The following CCNH variants were observed in gnomAD, a reference collection of about 807,000 sequenced individuals.
CCNH encodes cyclin H, also known as cyclin-H.
CCNH carries 31 observed loss-of-function variants against 41.9 expected under a neutral mutation model. That is an observed-to-expected ratio of 0.74 (90% CI 0.56 to 1.00). The LOEUF is 1.00. Ranked by LOEUF, CCNH falls within the 50% of genes least tolerant of loss-of-function variation. The pLI is 0.00. For missense variants in CCNH, 362 were observed against 388.4 expected (o/e 0.93, Z 0.57); for synonymous variants, 138 against 136.1 (o/e 1.01, Z -0.10).
intron 9 of CCNH, among the ~76,000 whole-genome samples, chr5:87,344,416 A>T (rs530523915): frequency 6.6e-6 from 1 of 152,238 alleles, no homozygotes; most frequent in Non-Finnish European, 1.5e-5. Context: ...CTAAAAAATG[A>T]TCTGTTATCT....
chr5:87,392,445 T>A (rs564091203), downstream of CCNH: 94 of 430,476 alleles, frequency 2.2e-4, 1 homozygote, highest in South Asian at 1.5e-3. Flanking sequence ...TTCATTCCAT[T>A]CTCTCCCTTC....
At chr5:87,313,491 T>C (rs547208774), downstream of CCNH, among the ~76,000 whole-genome samples, 1 of 152,332 alleles carries the variant, frequency 6.6e-6, no homozygotes, top group East Asian at 1.9e-4. Context: ...GACTTTTGAA[T>C]TTCCACATAG....
At chr5:87,407,122 T>C (rs934211569) in intron 4 of CCNH, among the ~76,000 whole-genome samples, 3 of 152,180 alleles carry the variant, frequency 2.0e-5, no homozygotes, top group Non-Finnish European at 4.4e-5. Flanking sequence ...CAGGGAAGTC[T>C]CTGATTGGAA....
intron 6 of CCNH, among the ~76,000 whole-genome samples, chr5:87,401,109 C>T (rs1763373067): frequency 6.6e-6 from 1 of 152,216 alleles, no homozygotes; most frequent in African/African-American, 2.4e-5. Flanking sequence ...AAATGTTTCA[C>T]TGTGCCAAAA....
At chr5:87,352,946 T>C (rs754305857) in intron 9 of CCNH, among the ~76,000 whole-genome samples, 7 of 151,968 alleles carry the variant, frequency 4.6e-5, no homozygotes, top group Non-Finnish European at 1.0e-4. Context: ...ATCTGGGCCA[T>C]GTATTCTGGC....
intron 9 of CCNH, among the ~76,000 whole-genome samples, chr5:87,319,960 A>C (rs1229893599): frequency 6.6e-6 from 1 of 152,234 alleles, no homozygotes; most frequent in Non-Finnish European, 1.5e-5. Flanking sequence ...GAAAAATACC[A>C]GGTCACATCT....
At chr5:87,396,835 A>T (rs1763004620) in intron 7 of CCNH, among the ~76,000 whole-genome samples, 2 of 152,218 alleles carry the variant, frequency 1.3e-5, no homozygotes, top group Admixed American at 6.5e-5. Context: ...AAAAATGCAA[A>T]GAAGAAAAAA....
intron 9 of CCNH, chr5:87,346,628 C>A: frequency 1.5e-6 from 2 of 1,299,512 alleles, no homozygotes; most frequent in Non-Finnish European, 2.2e-6. Flanking sequence ...ATGATAACAG[C>A]AAAAAGGACT....
At position 87,394,392 on chromosome 5, in the gene CCNH, A is replaced by G. The variant is rs763552395; in HGVS notation, c.*54T>C. 2.2e-5 allele frequency: 35 copies of G among 1,584,326 alleles called. No homozygotes were observed. In the Admixed American group the frequency reaches 2.5e-4, roughly 11 times the overall value. ...CTTTTTAAATAAAGTTAAACGTTTG[A>G]TATGCTTCCTACTTCTCTTGATTAG... On this transcript the variant is annotated 3_prime_UTR_variant, in exon 9 of 9. Coordinates refer to ENST00000256897, the MANE Select transcript of CCNH (RefSeq NM_001239.4).
chr5:87,331,087 G>A (rs1224395314), intron 9 of CCNH: 13 of 961,756 alleles, frequency 1.4e-5, no homozygotes, highest in Non-Finnish European at 2.0e-5. Context: ...CTGGAAGTAG[G>A]GAGATGGGTA....
chr5:87,312,331 T>C, the CCNH span, among the ~76,000 whole-genome samples: 2 of 152,236 alleles, frequency 1.3e-5, no homozygotes, highest in Non-Finnish European at 2.9e-5. Context: ...AGTAAACATT[T>C]GTACAAAAAT....
At chr5:87,320,763 G>A (rs770273380) in intron 9 of CCNH, among the ~76,000 whole-genome samples, 20 of 152,172 alleles carry the variant, frequency 1.3e-4, no homozygotes, top group Non-Finnish European at 2.4e-4. Flanking sequence ...AGTTAAAGGG[G>A]ATTAAAAATG....
At chr5:87,353,781 T>C (rs890071911) in intron 9 of CCNH, among the ~76,000 whole-genome samples, 1 of 152,028 alleles carries the variant, frequency 6.6e-6, no homozygotes, top group Non-Finnish European at 1.5e-5. Flanking sequence ...CAAAAGTGAA[T>C]AGAATCTAGA....
In CCNH at chr5:87,349,049, T is replaced by A. The variant is rs1384859833; in HGVS notation, c.*91-30152A>T. Among the ~76,000 whole-genome samples, 3 of 151,724 alleles carry A rather than the reference T, an allele frequency of 2.0e-5. No individual in the cohort carries two copies. In the South Asian group the frequency reaches 6.2e-4, roughly 32 times the overall value. ...GACAAGCAATGTGGATGGTTGTGAA[T>A]CATAAACCAGAAAATTTGAAAGAAA... On this transcript the variant is annotated intron_variant and NMD_transcript_variant, in intron 9 of 9. Coordinates refer to the CCNH transcript ENST00000645953.
downstream of CCNH, chr5:87,392,108 T>C (rs1762568270): frequency 5.5e-6 from 2 of 366,658 alleles, no homozygotes; most frequent in Non-Finnish European, 1.1e-5. Context: ...CTCATAATTG[T>C]GCAGGGCAGA....
At chr5:87,325,350 A>G (rs1304337485) in intron 9 of CCNH, among the ~76,000 whole-genome samples, 1 of 152,250 alleles carries the variant, frequency 6.6e-6, no homozygotes, top group Non-Finnish European at 1.5e-5. Flanking sequence ...AGACACAGCC[A>G]AACCATATCA....
rs758336722 is a variant in CCNH at position 87,408,076 on chromosome 5, T to C, written c.425A>G (p.Gln142Arg). The C allele has an allele frequency of 6.2e-7, 1 of 1,613,108 alleles. No individual in the cohort carries two copies. Reference sequence around the variant, plus strand: ...AAGAAGTAGTTCATATTCCAGTATCTGTTCAAGTGCCTTCTCCTGTCCAAG... The same window carrying C: ...AAGAAGTAGTTCATATTCCAGTATCCGTTCAAGTGCCTTCTCCTGTCCAAG... ...SPLGQEKALE[Q>R]ILEYELLLIQ... is the part of the protein sequence containing the mutation. Residue 142 changes from glutamine (Q) to arginine (R), a missense_variant, in exon 4 of 9, where the codon CAG becomes CGG. Transcript: ENST00000256897.
chr5:87,349,719 G>GA (rs3838242), intron 9 of CCNH, among the ~76,000 whole-genome samples: 1 of 150,812 alleles, frequency 6.6e-6, no homozygotes, highest in Non-Finnish European at 1.5e-5. Flanking sequence ...ACTTTAGTAG[G>GA]AAAAAAAAAG....
At chr5:87,383,969 T>C (rs943470892) in intron 9 of CCNH, among the ~76,000 whole-genome samples, 6 of 152,068 alleles carry the variant, frequency 3.9e-5, no homozygotes, top group Non-Finnish European at 7.4e-5. Context: ...TTTTGTTTCT[T>C]TTCTTCCATC....
Sources: allele counts gnomAD v4.1 joint callset (sites outside exome capture counted in the v4.1 genomes callset), GRCh38; gene constraint gnomAD v4.1.1; transcripts MANE v1.5; gene names NCBI Gene and HGNC (gene_info 2026-07-23, HGNC 2026-07-21).